Variants in ZNF385D observed in about 807,000 individuals in gnomAD.
ZNF385D encodes zinc finger protein 659.
ZNF385D carries 15 observed loss-of-function variants against 35.8 expected under a neutral mutation model. The ratio of observed to expected loss-of-function variants is 0.42; its 90% CI spans 0.28 to 0.64. The LOEUF (loss-of-function observed/expected upper bound fraction) is 0.64. Ranked by LOEUF, ZNF385D falls within the 30% of genes least tolerant of loss-of-function variation. ZNF385D has a pLI of 0.23. For synonymous variants in ZNF385D, 212 were observed against 186.8 expected (o/e 1.13, Z -1.10); for missense variants, 474 against 494.6 (o/e 0.96, Z 0.39).
intron 1 of ZNF385D, among the ~76,000 whole-genome samples, chr3:21,714,108 C>A (rs55854141): frequency 4.6e-5 from 7 of 152,260 alleles, no homozygotes; most frequent in Non-Finnish European, 1.0e-4. Flanking sequence ...TGTGCCTACT[C>A]CTGCCTTCAC....
At chr3:22,092,700 G>A (rs1701395876) in intron 3 of ZNF385D, among the ~76,000 whole-genome samples, 1 of 151,874 alleles carries the variant, frequency 6.6e-6, no homozygotes, top group Non-Finnish European at 1.5e-5. Context: ...TTCTTTGCTA[G>A]CAAATCCCCT....
At chr3:21,752,913 T>C (rs892985366), upstream of ZNF385D, among the ~76,000 whole-genome samples, 1 of 152,172 alleles carries the variant, frequency 6.6e-6, no homozygotes, top group African/African-American at 2.4e-5. Context: ...GTAGAGCTTA[T>C]TCATGAAGCC....
At chr3:21,731,081 T>C (rs2068975173) in intron 1 of ZNF385D, among the ~76,000 whole-genome samples, 2 of 152,180 alleles carry the variant, frequency 1.3e-5, no homozygotes, top group Admixed American at 1.3e-4. Flanking sequence ...CTGTAAAATA[T>C]ATATGCATAT....
intron 3 of ZNF385D, among the ~76,000 whole-genome samples, chr3:22,004,032 T>C (rs983359208): frequency 1.3e-5 from 2 of 152,050 alleles, no homozygotes; most frequent in Admixed American, 6.6e-5. Flanking sequence ...AACAGTACAG[T>C]ATGGTGTTGA....
chr3:22,304,503 T>A (rs1703096606), intron 2 of ZNF385D, among the ~76,000 whole-genome samples: 1 of 152,176 alleles, frequency 6.6e-6, no homozygotes, highest in Admixed American at 6.5e-5. Flanking sequence ...CAAATAACCA[T>A]CAAATCTATC....
intron 2 of ZNF385D, among the ~76,000 whole-genome samples, chr3:22,205,951 A>G (rs975061153): frequency 6.6e-6 from 1 of 151,976 alleles, no homozygotes; most frequent in Non-Finnish European, 1.5e-5. Context: ...TCCCCATCAA[A>G]AGACATAGAG....
chr3:22,012,765 C>G (rs531633492), intron 3 of ZNF385D, among the ~76,000 whole-genome samples: 93 of 152,230 alleles, frequency 6.1e-4, no homozygotes, highest in African/African-American at 2.2e-3. Context: ...TAAGAACATT[C>G]TCCATAAGCT....
At position 22,215,937 on chromosome 3, in the gene ZNF385D, C is replaced by A. The variant is rs112832957; in HGVS notation, c.107-46902G>T. 1.3e-3 allele frequency among the ~76,000 whole-genome samples: 197 copies of A among 152,062 alleles called. 2 individuals carry two copies. The highest frequency in any genetic ancestry group is 4.4e-3 in the African/African-American group (183 of 41,488). On this transcript the variant is annotated intron_variant, in intron 2 of 5. Transcript: ENST00000494108. Reference sequence around the variant, plus strand: ...GACACTTAAGGAATATAGAAAAGAACGTATGTGAAATATCGGGGGTGAATT... The same window carrying A: ...GACACTTAAGGAATATAGAAAAGAAAGTATGTGAAATATCGGGGGTGAATT...
chr3:21,803,681 G>C (rs1195140821), intron 3 of ZNF385D, among the ~76,000 whole-genome samples: 1 of 152,140 alleles, frequency 6.6e-6, no homozygotes, highest in Non-Finnish European at 1.5e-5. Context: ...TCTCAAGACA[G>C]CACATCAAGG....
chr3:21,794,179 G>A (rs574178770), intron 3 of ZNF385D, among the ~76,000 whole-genome samples: 18 of 152,164 alleles, frequency 1.2e-4, no homozygotes, highest in African/African-American at 3.1e-4. Context: ...CTACCTTTGC[G>A]TTCTCCGCCA....
intron 3 of ZNF385D, among the ~76,000 whole-genome samples, chr3:21,817,156 T>A (rs558336634): frequency 1.1e-4 from 16 of 152,208 alleles, no homozygotes; most frequent in African/African-American, 3.4e-4. Context: ...CTTGGATCCC[T>A]TCTTGACACC....
intron 3 of ZNF385D, among the ~76,000 whole-genome samples, chr3:21,786,409 T>A (rs2071693013): frequency 1.3e-5 from 2 of 152,194 alleles, no homozygotes; most frequent in Non-Finnish European, 2.9e-5. Context: ...TCTTCGTTGT[T>A]TGCTTTGGCA....
intron 3 of ZNF385D, among the ~76,000 whole-genome samples, chr3:22,127,208 TTTG>T (rs1703483807): frequency 6.6e-6 from 1 of 151,954 alleles, no homozygotes; most frequent in Non-Finnish European, 1.5e-5. Context: ...CTCCTGACAT[TTTG>T]TTATTTCTTT....
intron 3 of ZNF385D, among the ~76,000 whole-genome samples, chr3:21,968,565 T>A (rs555067100): frequency 4.6e-5 from 7 of 152,264 alleles, no homozygotes; most frequent in African/African-American, 1.2e-4. Context: ...GCATCTTGAA[T>A]ACCCGTTTCA....
intron 2 of ZNF385D, among the ~76,000 whole-genome samples, chr3:21,632,267 A>G (rs2065304576): frequency 6.6e-6 from 1 of 152,170 alleles, no homozygotes; most frequent in African/African-American, 2.4e-5. Flanking sequence ...TTTGGTAAGC[A>G]TCATATAGAA....
intron 3 of ZNF385D, among the ~76,000 whole-genome samples, chr3:21,995,230 A>T (rs1695386221): frequency 6.6e-6 from 1 of 152,202 alleles, no homozygotes; most frequent in Non-Finnish European, 1.5e-5. Flanking sequence ...GTAGGGGCCA[A>T]TGGTATAGTT....
chr3:21,903,777 T>G (rs988181569), intron 3 of ZNF385D, among the ~76,000 whole-genome samples: 1 of 152,056 alleles, frequency 6.6e-6, no homozygotes, highest in Non-Finnish European at 1.5e-5. Flanking sequence ...TAATAAAGAT[T>G]AAATATGGCA....
At chr3:21,757,588 T>G (rs1386061792) in intron 3 of ZNF385D, among the ~76,000 whole-genome samples, 1 of 152,144 alleles carries the variant, frequency 6.6e-6, no homozygotes, top group Non-Finnish European at 1.5e-5. Context: ...TCAAAAAAAA[T>G]AGTTGTTGAG....
intron 3 of ZNF385D, among the ~76,000 whole-genome samples, chr3:22,039,790 G>C (rs889662306): frequency 6.6e-6 from 1 of 152,080 alleles, no homozygotes; most frequent in Non-Finnish European, 1.5e-5. Context: ...TTTAGGAGTT[G>C]AGTTTTTCCT....
Sources: gnomAD v4.1 joint callset for allele counts (sites outside exome capture counted in the v4.1 genomes callset) on GRCh38, gnomAD v4.1.1 for gene constraint, MANE v1.5 for transcripts, NCBI Gene and HGNC (gene_info 2026-07-23, HGNC 2026-07-21) for gene names.